Variants in ANO3 observed in about 807,000 individuals in gnomAD.
ANO3 encodes the protein anoctamin 3, also known as anoctamin-3.
In ANO3, 99 loss-of-function variants were observed where a neutral mutation model predicts 144.8. That is an observed-to-expected ratio of 0.68 (90% CI 0.58 to 0.81). ANO3 has a LOEUF of 0.81. Among genes scored for constraint, ANO3 ranks in the 30% least tolerant of loss-of-function variants. The pLI is 0.00. For missense variants in ANO3, 905 were observed against 1,202.2 expected (o/e 0.75, Z 3.66); for synonymous variants, 414 against 392.6 (o/e 1.05, Z -0.64).
At chr11:26,565,707 C>T in intron 14 of ANO3, 1 of 1,612,970 alleles carries the variant, frequency 6.2e-7, no homozygotes, top group Non-Finnish European at 8.5e-7. Flanking sequence ...GTTTGCTTCA[C>T]TTTCCAAAGA....
At position 26,553,245 on chromosome 11, in the gene ANO3, C is replaced by G; in HGVS notation, c.1290-4C>G. ...TTTTGTTTTTGTTTTTGTTTTTTCTCAAGCCAAGAAATTTGTAAAGCCACT... is the reference window on the plus strand; with the variant it reads ...TTTTGTTTTTGTTTTTGTTTTTTCTGAAGCCAAGAAATTTGTAAAGCCACT... On this transcript the variant is annotated splice_polypyrimidine_tract_variant and splice_region_variant and intron_variant, in intron 12 of 26. Coordinates refer to ENST00000256737, the MANE Select transcript of ANO3 (RefSeq NM_031418.4). 1 of 1,198,398 alleles carries G rather than the reference C, an allele frequency of 8.3e-7. No homozygotes were observed. Among genetic ancestry groups the G allele is most frequent in the Non-Finnish European group, 1.2e-6 (1 of 849,248 alleles). The allele number at this position is 1,198,398 out of a possible 1,614,324, so 74.2% of individuals were successfully genotyped here.
chr11:26,307,743 A>AATAATT (rs1854416494), upstream of ANO3, among the ~76,000 whole-genome samples: 1 of 148,558 alleles, frequency 6.7e-6, no homozygotes, highest in Non-Finnish European at 1.5e-5. Context: ...TAATAATAAT[A>AATAATT]ATAATAATAA....
chr11:26,276,028 T>C (rs1362839870), intron 1 of ANO3, among the ~76,000 whole-genome samples: 1 of 152,142 alleles, frequency 6.6e-6, no homozygotes, highest in African/African-American at 2.4e-5. Flanking sequence ...AAATGTGTAC[T>C]AGAGTTAGCG....
rs1322851692 is a variant in ANO3, at chr11:26,660,591, G to T, written c.*147G>T. The stretch of plus-strand genomic sequence containing the variant: ...TGGAAATGTATCACAGCCATCTCTG[G>T]GATTTGAAATATCCAGACTTGTAGG... On this transcript the variant is annotated 3_prime_UTR_variant, in exon 27 of 27. Coordinates refer to ENST00000256737, the MANE Select transcript of ANO3 (RefSeq NM_031418.4). 1.6e-5 allele frequency: 11 copies of T among 684,932 alleles called. No individual in the cohort carries two copies. The highest frequency in any genetic ancestry group is 2.6e-5 in the Non-Finnish European group (11 of 430,634). 42.4% of individuals were successfully genotyped at this position (684,932 alleles called of 1,614,324 possible).
chr11:26,325,821 C>G (rs1338935542), intron 1 of ANO3, among the ~76,000 whole-genome samples: 4 of 152,132 alleles, frequency 2.6e-5, no homozygotes, highest in Non-Finnish European at 5.9e-5. Flanking sequence ...AGCCAGAGTG[C>G]GTGAAATTCT....
intron 1 of ANO3, among the ~76,000 whole-genome samples, chr11:26,315,218 A>G (rs1356522905): frequency 1.3e-5 from 2 of 152,152 alleles, no homozygotes; most frequent in Non-Finnish European, 2.9e-5. Context: ...TTTCCTATCT[A>G]ATTATCAGTC....
chr11:26,344,203 G>A (rs1335156910), intron 1 of ANO3, among the ~76,000 whole-genome samples: 1 of 152,020 alleles, frequency 6.6e-6, no homozygotes, highest in African/African-American at 2.4e-5. Flanking sequence ...CATCTAAAAA[G>A]AATTGTATTA....
intron 1 of ANO3, among the ~76,000 whole-genome samples, chr11:26,333,763 G>T (rs1466164961): frequency 1.3e-5 from 2 of 152,226 alleles, no homozygotes; most frequent in Non-Finnish European, 2.9e-5. Context: ...GGAGTGATGT[G>T]TGAGACTGTA....
intron 18 of ANO3, among the ~76,000 whole-genome samples, chr11:26,624,984 A>C (rs1852534332): frequency 6.7e-6 from 1 of 150,046 alleles, no homozygotes; most frequent in African/African-American, 2.5e-5. Context: ...TGCGGTGGTG[A>C]CGCGATCTCG....
At chr11:26,198,815 CT>C (rs1851637471) in intron 1 of ANO3, among the ~76,000 whole-genome samples, 2 of 152,218 alleles carry the variant, frequency 1.3e-5, no homozygotes, top group Non-Finnish European at 2.9e-5. Context: ...AGACTTCCAA[CT>C]TACTGGCTTA....
intron 1 of ANO3, among the ~76,000 whole-genome samples, chr11:26,215,548 A>G (rs1239278812): frequency 2.0e-5 from 3 of 152,106 alleles, no homozygotes; most frequent in East Asian, 3.9e-4. Context: ...TCCACAATGA[A>G]CAATTTTTCT....
chr11:26,599,754 G>A (rs977499577), intron 17 of ANO3, 40 bp downstream of exon 17: 2 of 1,564,862 alleles, frequency 1.3e-6, no homozygotes. Flanking sequence ...GACAAAAAAG[G>A]GGTGGAAAGG....
chr11:26,244,126 A>G (rs930685848), intron 1 of ANO3, among the ~76,000 whole-genome samples: 1 of 142,420 alleles, frequency 7.0e-6, no homozygotes, highest in African/African-American at 2.5e-5. Context: ...GAAAAAAAAA[A>G]AAAAAGAAAA....
chr11:26,544,246 TTATACA>T (rs1321972325), intron 11 of ANO3, among the ~76,000 whole-genome samples: 48 of 14,060 alleles, frequency 3.4e-3, no homozygotes, highest in South Asian at 6.2e-3. Context: ...TAGTATTTCA[TTATACA>T]TATATATATA....
chr11:26,449,513 ACACACACG>A (rs112075155), intron 3 of ANO3, among the ~76,000 whole-genome samples: 4,183 of 90,520 alleles, frequency 0.046, 102 homozygotes, highest in African/African-American at 0.073. Context: ...ACACACACAC[ACACACACG>A]CACGCACATC....
chr11:26,568,472 G>T (rs1850684864), intron 14 of ANO3, among the ~76,000 whole-genome samples: 1 of 150,410 alleles, frequency 6.6e-6, no homozygotes, highest in Non-Finnish European at 1.5e-5. Context: ...TCCTACCATA[G>T]TTTTTTTTTT....
At chr11:26,597,259 G>T (rs1361466050) in intron 14 of ANO3, among the ~76,000 whole-genome samples, 1 of 152,126 alleles carries the variant, frequency 6.6e-6, no homozygotes, top group African/African-American at 2.4e-5. Context: ...TCTCTGACCT[G>T]GGGTTCTTGG....
At chr11:26,331,935 T>A, upstream of ANO3, 1 of 434,458 alleles carries the variant, frequency 2.3e-6, no homozygotes, top group Admixed American at 3.6e-5. Context: ...AGAGGTTTGC[T>A]CCGATTTATA....
chr11:26,498,403 G>A (rs1861052734), intron 4 of ANO3, among the ~76,000 whole-genome samples: 1 of 151,380 alleles, frequency 6.6e-6, no homozygotes, highest in Non-Finnish European at 1.5e-5. Flanking sequence ...AAACAGACTT[G>A]TTATAAGTAA....
Sources: allele counts gnomAD v4.1 joint callset (sites outside exome capture counted in the v4.1 genomes callset), GRCh38; gene constraint gnomAD v4.1.1; transcripts MANE v1.5; gene names NCBI Gene and HGNC (gene_info 2026-07-23, HGNC 2026-07-21).